Variants in BAG6 observed in about 807,000 individuals in gnomAD.
The protein encoded by BAG6 is large proline-rich protein BAG6.
In BAG6, 22 loss-of-function variants were observed where a neutral mutation model predicts 121.0. The observed-to-expected ratio is 0.18, with a 90% confidence interval of 0.13 to 0.26. The LOEUF (loss-of-function observed/expected upper bound fraction) is 0.26, where lower values mean the gene tolerates loss of function less well. Among genes scored for constraint, BAG6 ranks in the 10% least tolerant of loss-of-function variants. The probability of loss-of-function intolerance (pLI) is 1.00; values close to 1 mark genes in which losing one functional copy is unlikely to be tolerated. For synonymous variants in BAG6, 583 were observed against 584.6 expected (o/e 1.00, Z 0.04); for missense variants, 1,233 against 1,537.7 (o/e 0.80, Z 3.31).
At chr6:31,648,269 G>T (rs1792201311) in intron 6 of BAG6, among the ~76,000 whole-genome samples, 1 of 152,164 alleles carries the variant, frequency 6.6e-6, no homozygotes, top group Non-Finnish European at 1.5e-5. Flanking sequence ...CCCTGCCATG[G>T]CGACCCAAAG....
Position 31,648,901 on chromosome 6 carries a change from C to G in BAG6, c.477+10G>C. 4 of 1,538,862 alleles carry G rather than the reference C, an allele frequency of 2.6e-6. No homozygotes were observed. Among genetic ancestry groups the G allele is most frequent in the Non-Finnish European group, 3.5e-6 (4 of 1,144,234 alleles). On this transcript the variant is annotated intron_variant, in intron 5 of 25. Coordinates refer to ENST00000676615, the MANE Select transcript of BAG6 (RefSeq NM_001387994.1). ...ATCCCCTTCCCTGACCCTCGGAGGC[C>G]CCTCAATACCTGAATCGGGGCCTGT... is the stretch of plus-strand genomic sequence containing the variant.
chr6:31,647,959 A>G (rs1791727068), intron 6 of BAG6, 133 bp from the exon 7 acceptor site: 9 of 1,201,316 alleles, frequency 7.5e-6, no homozygotes, highest in Non-Finnish European at 9.7e-6. Flanking sequence ...TTTATCTCCG[A>G]CTCGCTAGCA....
rs1478419035 is a variant in BAG6 at position 31,642,194 on chromosome 6, G to A, written c.2253C>T (p.Gly751=). The change falls in exon 16 of 26, where the codon GGC becomes GGT. Residue 751 remains glycine (G), a synonymous_variant. Transcript: ENST00000676615. ...SLLGSLGARA[G]SSESIAAFIQ... ...TGAAGGCAGCAATACTTTCACTGCT[G>A]CCAGCCCGAGCCCCCAGGGAGCCCA... 2 of 1,612,800 alleles carry A rather than the reference G, an allele frequency of 1.2e-6. No homozygotes were observed. Among genetic ancestry groups the A allele is most frequent in the Non-Finnish European group, 1.7e-6 (2 of 1,180,006 alleles).
Position 31,640,984 on chromosome 6 carries a change from T to G in BAG6, c.2788-46A>C, listed in dbSNP as rs1386189782. On this transcript the variant is annotated intron_variant, in intron 20 of 25. Coordinates refer to ENST00000676615, the MANE Select transcript of BAG6 (RefSeq NM_001387994.1). This position sits in a 1 kb window ranked among gnomAD's most constrained non-coding sequence, Gnocchi z 4.2. ...TTAGAACACAAAACCCTCAACCACC[T>G]TTAGAAATAGATTAGATCCAGGTTA... 13 of 1,603,380 alleles carry G rather than the reference T, an allele frequency of 8.1e-6. No homozygotes were observed. Among genetic ancestry groups the G allele is most frequent in the Non-Finnish European group, 1.1e-5 (13 of 1,174,182 alleles).
In BAG6 at chr6:31,645,047, G is replaced by C. The variant is rs540322036; in HGVS notation, c.1268C>G (p.Pro423Arg). 12 of 1,612,650 alleles carry C rather than the reference G, an allele frequency of 7.4e-6. No individual in the cohort carries two copies. The highest frequency in any genetic ancestry group is 1.7e-5 in the Admixed American group (1 of 59,978). ...GGCTGGCGGGGGAGCTGGACCTGGC[G>C]GGGGAGCCCCCTCAGCTGAGGACTC... ...NVESSAEGAP[P>R]PGPAPPPATS... The change falls in exon 10 of 26, where the codon CCG (proline) becomes CGG (arginine). Residue 423 changes from proline to arginine, a missense_variant. Physicochemically the swap from Pro to Arg is moderately radical, Grantham distance 103. This residue lies in a region of BAG6 where 777 missense variants were observed against 861.4 expected (regional missense o/e 0.90). Coordinates refer to ENST00000676615, the MANE Select transcript of BAG6 (RefSeq NM_001387994.1).
intron 4 of BAG6, 64 bp downstream of exon 4, chr6:31,649,135 T>C (rs1343431789): frequency 5.0e-6 from 8 of 1,586,474 alleles, no homozygotes; most frequent in South Asian, 4.4e-5. Context: ...ATCTTATTAA[T>C]TCCCTGGTGC....
In BAG6 at chr6:31,648,716, G is replaced by A. The variant is rs141367260; in HGVS notation, c.513C>T (p.His171=). 437 of 1,614,054 alleles carry A rather than the reference G, an allele frequency of 2.7e-4. 4 individuals are homozygous for A. The East Asian group carries it at 9.6e-3, about 35-fold the overall frequency. The change falls in exon 6 of 26, where the codon CAC becomes CAT. Residue 171 remains histidine (H), a synonymous_variant. Coordinates refer to ENST00000676615, the MANE Select transcript of BAG6 (RefSeq NM_001387994.1). The part of the protein sequence containing the change: ...EPRVRLVMAQ[H]MIRDIQTLLS... ...GTAAGGTCTGTATATCCCTGATCAT[G>A]TGCTGAGCCATCACCAGCCGTACCC...
intron 8 of BAG6, among the ~76,000 whole-genome samples, chr6:31,645,912 T>C (rs1682324940): frequency 3.9e-5 from 6 of 152,244 alleles, no homozygotes; most frequent in Admixed American, 3.9e-4. Context: ...GCAAAGATTA[T>C]CACCTTCTCT....
In BAG6 at chr6:31,640,540, A is replaced by G; in HGVS notation, c.2995-12T>C. Reference sequence around the variant, plus strand: ...GAAGCATTCTCCCGCTGGGTGTCAGATGGCGGGAAGAGCCAGGCTTCAGAA... The same window carrying G: ...GAAGCATTCTCCCGCTGGGTGTCAGGTGGCGGGAAGAGCCAGGCTTCAGAA... On this transcript the variant is annotated splice_polypyrimidine_tract_variant and intron_variant, in intron 22 of 25. Transcript: ENST00000676615. This position sits in a 1 kb window ranked among gnomAD's most constrained non-coding sequence, Gnocchi z 4.2. The G allele has an allele frequency of 6.2e-7, 1 of 1,612,854 alleles. No individual in the cohort carries two copies. The highest frequency in any genetic ancestry group is 8.5e-7 in the Non-Finnish European group (1 of 1,179,908).
At chr6:31,648,266 A>G (rs1792188766) in intron 6 of BAG6, among the ~76,000 whole-genome samples, 1 of 152,046 alleles carries the variant, frequency 6.6e-6, no homozygotes, top group African/African-American at 2.4e-5. Context: ...TCCCCCTGCC[A>G]TGGCGACCCA....
intron 6 of BAG6, 170 bp from the exon 7 acceptor site, chr6:31,647,996 A>C: frequency 3.9e-6 from 2 of 509,200 alleles, no homozygotes; most frequent in Non-Finnish European, 2.5e-6. Context: ...CACAAATTAG[A>C]TGCATAATAA....
At chr6:31,645,633 G>A (rs752153608) in intron 8 of BAG6, 29 bp from the exon 9 acceptor site, 15 of 1,609,366 alleles carry the variant, frequency 9.3e-6, no homozygotes, top group East Asian at 2.2e-5. Flanking sequence ...ACACAAAAAG[G>A]CAGAAAATAT....
In BAG6 at chr6:31,646,477, G is replaced by A. The variant is rs778920316; in HGVS notation, c.835C>T (p.Arg279Trp). Residue 279 changes from arginine to tryptophan, a missense_variant, in exon 8 of 26, where the codon CGG (arginine) becomes TGG (tryptophan). Arg to Trp is a moderately radical substitution (Grantham distance 101). This residue lies in a region of BAG6 where 777 missense variants were observed against 861.4 expected (regional missense o/e 0.90). Transcript: ENST00000676615. ...EYVEVLQELQRLESRLQPFLQ... is the reference protein window; with the variant it reads ...EYVEVLQELQWLESRLQPFLQ... ...AAGGGCTGGAGGCGACTCTCCAGCC[G>A]CTGTAGCTCCTGGAGCACCTCGACA... is the stretch of plus-strand genomic sequence containing the variant. The A allele has an allele frequency of 2.0e-5, 32 of 1,612,758 alleles. No homozygotes were observed. Among genetic ancestry groups the A allele is most frequent in the African/African-American group, 1.1e-4 (8 of 74,886 alleles).
chr6:31,644,365 G>C lies in BAG6; in HGVS notation c.1497C>G (p.Ala499=). 1 of 1,551,542 alleles carries C rather than the reference G, an allele frequency of 6.4e-7. No homozygotes were observed. The change falls in exon 12 of 26, where the codon GCC becomes GCG. Residue 499 remains alanine (A), a synonymous_variant. Transcript: ENST00000676615. The surrounding 1 kb of genome is among the most constrained non-coding windows in gnomAD (Gnocchi z 4.9). The part of the protein sequence containing the change: ...LPSLPPEFMH[A]VAHQITHQAM... ...CCTGATGAGTGATCTGGTGGGCGACGGCGTGCATGAACTCAGGGGGCAGGG... is the reference window on the plus strand; with the variant it reads ...CCTGATGAGTGATCTGGTGGGCGACCGCGTGCATGAACTCAGGGGGCAGGG...
In BAG6 at chr6:31,639,210, T is replaced by C; in HGVS notation, c.3410A>G (p.Gln1137Arg). 1 of 1,613,718 alleles carries C rather than the reference T, an allele frequency of 6.2e-7. No individual in the cohort carries two copies. The highest frequency in any genetic ancestry group is 8.5e-7 in the Non-Finnish European group (1 of 1,179,852). The change falls in exon 26 of 26, where the codon CAA becomes CGA. Residue 1137 changes from glutamine (Q) to arginine (R), a missense_variant. Coordinates refer to ENST00000676615, the MANE Select transcript of BAG6 (RefSeq NM_001387994.1). ...SYRQQLRSDIQKRLQEDPNYS... is the reference protein window; with the variant it reads ...SYRQQLRSDIRKRLQEDPNYS... Reference sequence around the variant, plus strand: ...GTTGGGGTCTTCCTGCAGTCGTTTTTGTATATCAGACCGGAGCTAAAGAGA... The same window carrying C: ...GTTGGGGTCTTCCTGCAGTCGTTTTCGTATATCAGACCGGAGCTAAAGAGA...
intron 7 of BAG6, 69 bp downstream of exon 7, chr6:31,647,522 G>A (rs1791148869): frequency 1.3e-6 from 2 of 1,585,558 alleles, no homozygotes; most frequent in Non-Finnish European, 1.7e-6. Context: ...CCCTTGCCAT[G>A]GTTCATTTCC....
chr6:31,645,019 G>A lies in BAG6; in HGVS notation c.1296C>T (p.Thr432=). The stretch of plus-strand genomic sequence containing the variant: ...AAATCCGGATGACCCTCGGGTGGCT[G>A]GTGGCTGGCGGGGGAGCTGGACCTG... ...PPPGPAPPPA[T]SHPRVIRISH... Residue 432 remains threonine (T), a synonymous_variant, in exon 10 of 26, where the codon ACC becomes ACT. Transcript: ENST00000676615. 6.2e-7 allele frequency: 1 copy of A among 1,611,976 alleles called. No individual in the cohort carries two copies. The highest frequency in any genetic ancestry group is 8.5e-7 in the Non-Finnish European group (1 of 1,179,448).
chr6:31,650,518 C>T (rs535650996), intron 2 of BAG6, among the ~76,000 whole-genome samples: 3 of 151,892 alleles, frequency 2.0e-5, no homozygotes, highest in East Asian at 3.9e-4. Flanking sequence ...AAAAATTAGC[C>T]GGGCGTGGTA....
intron 2 of BAG6, 68 bp from the exon 3 acceptor site, chr6:31,649,695 C>G (rs774409243): frequency 2.1e-6 from 3 of 1,433,714 alleles, no homozygotes; most frequent in Non-Finnish European, 2.9e-6. Context: ...GACAGACAAC[C>G]GAGTTGTGGA....
Sources: gnomAD v4.1 joint callset for allele counts (sites outside exome capture counted in the v4.1 genomes callset) on GRCh38, gnomAD v4.1.1 for gene constraint, gnomAD v4.1.1 regional missense constraint, Gnocchi (gnomAD v3.1) non-coding constraint, MANE v1.5 for transcripts, NCBI Gene and HGNC (gene_info 2026-07-23, HGNC 2026-07-21) for gene names.